Variants in NCF4 observed in about 807,000 individuals in gnomAD.
The protein encoded by NCF4 is neutrophil cytosol factor 4.
A neutral mutation model predicts 41.7 loss-of-function variants in NCF4; 30 were observed. That is an observed-to-expected ratio of 0.72 (90% confidence interval 0.54 to 0.97). The LOEUF (loss-of-function observed/expected upper bound fraction) is 0.97. Ranked by LOEUF, NCF4 falls within the 50% of genes least tolerant of loss-of-function variation. The pLI is 0.00. For synonymous variants in NCF4, 195 were observed against 175.8 expected, an observed-to-expected ratio of 1.11 and a Z score of -0.87; for missense variants, 432 against 460.9, an observed-to-expected ratio of 0.94 and a Z score of 0.57.
chr22:36,874,565 T>C lies in NCF4; in HGVS notation c.628-1088T>C, dbSNP rs560423971. ...GGCCACTTTCCAGAAATAGAAAACA[T>C]GTATTGCCTTCCTGTTTTCCGGAAA... On this transcript the variant is annotated intron_variant, in intron 7 of 9. Coordinates refer to ENST00000248899, the MANE Select transcript of NCF4 (RefSeq NM_000631.5). Among the ~76,000 whole-genome samples, 6 of 152,286 alleles carry C rather than the reference T, an allele frequency of 3.9e-5. No homozygotes were observed. The South Asian group carries it at 8.3e-4, about 21-fold the overall frequency.
chr22:36,875,970 C>G, intron 8 of NCF4, 59 bp from the exon 9 acceptor site: 1 of 1,614,030 alleles, frequency 6.2e-7, no homozygotes, highest in Non-Finnish European at 8.5e-7. Flanking sequence ...CCCCTTTCCC[C>G]CACCCCACAC....
Position 36,877,651 on chromosome 22 carries a change from T to C in NCF4, c.848T>C (p.Ile283Thr). 1 of 1,614,170 alleles carries C rather than the reference T, an allele frequency of 6.2e-7. No homozygotes were observed. The highest frequency in any genetic ancestry group is 8.5e-7 in the Non-Finnish European group (1 of 1,180,028). Residue 283 changes from isoleucine (I) to threonine (T), a missense_variant, in exon 10 of 10, where the codon ATA becomes ACA. Coordinates refer to ENST00000248899, the MANE Select transcript of NCF4 (RefSeq NM_000631.5). ...LTRREFQRED[I>T]ALNYRDAEGD... ...AGGCGGGAGTTCCAGAGAGAGGACA[T>C]AGCTCTGAATTACCGGGACGCTGAG...
At chr22:36,867,306 C>T in intron 3 of NCF4, 86 bp from the exon 4 acceptor site, 2 of 1,429,448 alleles carry the variant, frequency 1.4e-6, no homozygotes, top group East Asian at 4.6e-5. Context: ...GGGGCTCTGG[C>T]CAGGGTTCCT....
At chr22:36,870,155 T>C (rs1321156767) in intron 4 of NCF4, 1 of 534,462 alleles carries the variant, frequency 1.9e-6, no homozygotes, top group African/African-American at 1.9e-5. Context: ...TCTGGAGAAC[T>C]TTAAGTCTTT....
chr22:36,872,795 A>T (rs1940099877), intron 7 of NCF4, among the ~76,000 whole-genome samples: 1 of 134,090 alleles, frequency 7.5e-6, no homozygotes, highest in South Asian at 2.6e-4. Context: ...GTGAGGATGG[A>T]GATTGAGGGT....
intron 4 of NCF4, 87 bp downstream of exon 4, chr22:36,867,549 G>C: frequency 7.0e-7 from 1 of 1,427,470 alleles, no homozygotes; most frequent in South Asian, 1.2e-5. Context: ...GTATGGCTTT[G>C]GGAACTGGGG....
intron 3 of NCF4, among the ~76,000 whole-genome samples, chr22:36,866,115 T>C (rs958442193): frequency 2.0e-5 from 3 of 152,170 alleles, no homozygotes; most frequent in African/African-American, 7.2e-5. Flanking sequence ...ACAGCATTCT[T>C]ACAAGCCTCC....
In NCF4 at chr22:36,864,900, CA is replaced by C; in HGVS notation, c.118-17del. The C allele has an allele frequency of 6.2e-7, 1 of 1,613,980 alleles. No individual in the cohort carries two copies. The highest frequency in any genetic ancestry group is 8.5e-7 in the Non-Finnish European group (1 of 1,179,978). On this transcript the variant is annotated intron_variant, in intron 2 of 9. Coordinates refer to ENST00000248899, the MANE Select transcript of NCF4 (RefSeq NM_000631.5). ...GCTCCTGGCCCCTGAGCCCTCCCCA[CA>C]ACCTCTGTCCTCCTTAGGTTTTCGT...
At chr22:36,872,691 A>AAGGTTGGAGGTGAGATTGGAGGTG (rs1555916409) in intron 7 of NCF4, among the ~76,000 whole-genome samples, 887 of 24,722 alleles carry the variant, frequency 0.036, 12 homozygotes, top group South Asian at 0.058. Flanking sequence ...GATTGGAGGT[A>AAGGTTGGAGGTGAGATTGGAGGTG]AGGTTGGAGG....
chr22:36,864,919 G>C lies in NCF4; in HGVS notation c.118G>C (p.Val40Leu), dbSNP rs1939887013. The C allele has an allele frequency of 6.2e-7, 1 of 1,613,652 alleles. No homozygotes were observed. The highest frequency in any genetic ancestry group is 8.5e-7 in the Non-Finnish European group (1 of 1,179,960). ...EEKRGFTSHF[V>L]FVIEVKTKGG... ...TCCCCACAACCTCTGTCCTCCTTAG[G>C]TTTTCGTCATCGAGGTGAAGACAAA... The change falls in exon 3 of 10, where the codon GTT becomes CTT. Residue 40 changes from valine (V) to leucine (L), a missense_variant and splice_region_variant. By Grantham distance (32) the Val-to-Leu change is conservative (BLOSUM62 1). Transcript: ENST00000248899.
rs775278633 is a variant in NCF4 at position 36,867,486 on chromosome 22, G to A, written c.342+24G>A. 20 of 1,613,026 alleles carry A rather than the reference G, an allele frequency of 1.2e-5. No homozygotes were observed. The South Asian group carries it at 2.2e-4, about 18-fold the overall frequency. ...AGGTACCAGTGGGCCTTGCCACCTTGGCACGTGGAAGGGCATGCAGTATTG... is the reference window on the plus strand; with the variant it reads ...AGGTACCAGTGGGCCTTGCCACCTTAGCACGTGGAAGGGCATGCAGTATTG... On this transcript the variant is annotated intron_variant, in intron 4 of 9. Coordinates refer to ENST00000248899, the MANE Select transcript of NCF4 (RefSeq NM_000631.5).
intron 2 of NCF4, 141 bp downstream of exon 2, chr22:36,864,270 T>C (rs913371827): frequency 3.8e-6 from 3 of 796,850 alleles, no homozygotes; most frequent in Admixed American, 2.0e-5. Flanking sequence ...AGGACCGATT[T>C]TGCCCATTTG....
rs757450151 is a variant in NCF4, at chr22:36,875,775, C to T, written c.750C>T (p.Ser250=). 9 of 1,614,176 alleles carry T rather than the reference C, an allele frequency of 5.6e-6. No individual in the cohort carries two copies. The highest frequency in any genetic ancestry group is 7.6e-6 in the Non-Finnish European group (9 of 1,180,034). The change falls in exon 8 of 10, where the codon AGC becomes AGT. Residue 250 remains serine (S), a synonymous_variant. Transcript: ENST00000248899. ...GCTACTACTACGAAGACACCATCAGCACCATCAAGTCTGTGGCCTGGGAGG... is the reference window on the plus strand; with the variant it reads ...GCTACTACTACGAAGACACCATCAGTACCATCAAGTCTGTGGCCTGGGAGG... ...LRCYYYEDTI[S]TIKDIAVEED... is the part of the protein sequence containing the mutation.
chr22:36,870,320 G>A (rs1398205347), intron 4 of NCF4, 95 bp from the exon 5 acceptor site: 4 of 1,545,076 alleles, frequency 2.6e-6, no homozygotes, highest in Non-Finnish European at 3.6e-6. Flanking sequence ...AAGAGAGGAG[G>A]GCTGATGTCA....
At position 36,877,625 on chromosome 22, in the gene NCF4, C is replaced by T. The variant is rs771254895; in HGVS notation, c.825-3C>T. ...TTGATTATCCCTGACTTTTCCCATG[C>T]AGGCGGGAGTTCCAGAGAGAGGACA... On this transcript the variant is annotated splice_region_variant and splice_polypyrimidine_tract_variant and intron_variant, in intron 9 of 9. Coordinates refer to ENST00000248899, the MANE Select transcript of NCF4 (RefSeq NM_000631.5). The T allele has an allele frequency of 4.3e-6, 7 of 1,614,136 alleles. No homozygotes were observed. In the South Asian group the frequency reaches 6.6e-5, roughly 15 times the overall value.
intron 4 of NCF4, among the ~76,000 whole-genome samples, chr22:36,869,917 C>T (rs1940013418): frequency 6.6e-6 from 1 of 152,248 alleles, no homozygotes; most frequent in South Asian, 2.1e-4. Context: ...AGCCCCCCAC[C>T]CCCGCCAACT....
intron 7 of NCF4, among the ~76,000 whole-genome samples, chr22:36,874,713 A>G (rs754222761): frequency 6.6e-6 from 1 of 152,172 alleles, no homozygotes; most frequent in East Asian, 1.9e-4. Context: ...TAAATAATCC[A>G]TGTTCCATAG....
At chr22:36,862,193 G>A (rs895358076) in intron 1 of NCF4, among the ~76,000 whole-genome samples, 2 of 152,240 alleles carry the variant, frequency 1.3e-5, no homozygotes, top group Non-Finnish European at 1.5e-5. Context: ...TGTTACCTAC[G>A]TGGAGGCCAC....
At position 36,861,199 on chromosome 22, in the gene NCF4, G is replaced by A. The variant is rs756372095; in HGVS notation, c.28G>A (p.Glu10Lys). Reference protein sequence around the residue: MAVAQQLRAESDFEQLPDDV... With the variant: MAVAQQLRAKSDFEQLPDDV... ...GGCTGTGGCCCAGCAGCTGCGGGCC[G>A]AGAGGTGAGTGCCGGGGTGTGGCCG... The change falls in exon 1 of 10, where the codon GAG (glutamate) becomes AAG (lysine). Residue 10 changes from glutamate (E) to lysine (K), a missense_variant. By Grantham distance (56) the Glu-to-Lys change is moderately conservative (BLOSUM62 1). Coordinates refer to ENST00000248899, the MANE Select transcript of NCF4 (RefSeq NM_000631.5). 86 of 1,551,380 alleles carry A rather than the reference G, an allele frequency of 5.5e-5. No homozygotes were observed. Among genetic ancestry groups the A allele is most frequent in the Non-Finnish European group, 7.1e-5 (81 of 1,146,842 alleles).
Sources: gnomAD v4.1 joint callset for allele counts (sites outside exome capture counted in the v4.1 genomes callset) on GRCh38, gnomAD v4.1.1 for gene constraint, MANE v1.5 for transcripts, NCBI Gene and HGNC (gene_info 2026-07-23, HGNC 2026-07-21) for gene names.